Variants in MAPK8 observed in about 807,000 individuals in gnomAD.
MAPK8 encodes mitogen-activated protein kinase 8.
MAPK8 carries 13 observed loss-of-function variants against 52.9 expected under a neutral mutation model. That is an observed-to-expected ratio of 0.25 (90% CI 0.16 to 0.39). The LOEUF (loss-of-function observed/expected upper bound fraction) is 0.39. MAPK8 is among the 10% of genes least tolerant of loss of function. MAPK8 has a pLI of 1.00. For missense variants in MAPK8, 300 were observed against 519.2 expected (o/e 0.58, Z 4.10); for synonymous variants, 191 against 169.8 (o/e 1.12, Z -0.97).
intron 2 of MAPK8, among the ~76,000 whole-genome samples, chr10:48,403,011 T>A (rs1453443955): frequency 2.0e-5 from 3 of 152,138 alleles, no homozygotes; most frequent in African/African-American, 7.2e-5. Flanking sequence ...TACATGTAGC[T>A]TAAAATATGC....
At chr10:48,352,142 T>C (rs1180936843) in intron 1 of MAPK8, among the ~76,000 whole-genome samples, 1 of 152,218 alleles carries the variant, frequency 6.6e-6, no homozygotes, top group African/African-American at 2.4e-5. Flanking sequence ...AATAGAACTT[T>C]ATAATTTTAA....
chr10:48,408,327 A>T (rs1193671308), intron 3 of MAPK8, among the ~76,000 whole-genome samples: 1 of 152,202 alleles, frequency 6.6e-6, no homozygotes. Context: ...TTAGAAGATA[A>T]CTGGGGACAA....
At chr10:48,328,397 G>A (rs1277771222) in intron 1 of MAPK8, among the ~76,000 whole-genome samples, 1 of 146,474 alleles carries the variant, frequency 6.8e-6, no homozygotes, top group Non-Finnish European at 1.5e-5. Context: ...TACTCTTTTT[G>A]ATGATCAGTT....
At chr10:48,409,835 A>C in intron 3 of MAPK8, 44 bp from the exon 4 acceptor site, 1 of 1,296,764 alleles carries the variant, frequency 7.7e-7, no homozygotes, top group Non-Finnish European at 1.1e-6. Context: ...TTAAAATATT[A>C]TGAAGTAATT....
intron 1 of MAPK8, among the ~76,000 whole-genome samples, chr10:48,358,968 T>C (rs1311673005): frequency 2.0e-5 from 3 of 152,218 alleles, no homozygotes; most frequent in African/African-American, 7.2e-5. Flanking sequence ...TCTGCATGTC[T>C]GTCCTTATGC....
At chr10:48,310,751 G>GTA (rs1554806211) in intron 1 of MAPK8, among the ~76,000 whole-genome samples, 1 of 151,796 alleles carries the variant, frequency 6.6e-6, no homozygotes, top group African/African-American at 2.4e-5. Flanking sequence ...GTGTGTGTGT[G>GTA]TGTATGTGTG....
At position 48,437,724 on chromosome 10, in the gene MAPK8, G is replaced by A. The variant is rs1017025343; in HGVS notation, c.*2695G>A. 20 of 152,284 alleles carry A rather than the reference G, an allele frequency of 1.3e-4. No individual in the cohort carries two copies. Among genetic ancestry groups the A allele is most frequent in the South Asian group, 6.2e-4 (3 of 4,832 alleles). The allele number at this position is 152,284 out of a possible 1,614,324, so 9.4% of individuals were successfully genotyped here. A position where few individuals can be genotyped will look rare whatever the true frequency, so the allele number is the denominator to read the frequency against. On this transcript the variant is annotated 3_prime_UTR_variant, in exon 12 of 12. Transcript: ENST00000374189. The stretch of plus-strand genomic sequence containing the variant: ...CCTTTGGCTGCTAATTGTTCCTGAC[G>A]TGCACTCTTCCGAGTTGGTAAAGGC...
intron 2 of MAPK8, among the ~76,000 whole-genome samples, chr10:48,403,469 A>AG (rs1339464170): frequency 1.3e-5 from 2 of 152,142 alleles, no homozygotes; most frequent in African/African-American, 4.8e-5. Context: ...AAAAAAAAAA[A>AG]AAATCAGAGC....
At chr10:48,392,178 G>A (rs1236728330) in intron 1 of MAPK8, among the ~76,000 whole-genome samples, 2 of 152,200 alleles carry the variant, frequency 1.3e-5, no homozygotes, top group South Asian at 2.1e-4. Context: ...TTTCTGTGCA[G>A]CATTCCTTTC....
chr10:48,363,467 G>A (rs1847744197), intron 1 of MAPK8, among the ~76,000 whole-genome samples: 1 of 152,128 alleles, frequency 6.6e-6, no homozygotes, highest in Non-Finnish European at 1.5e-5. Context: ...TACCATAAAG[G>A]AAGAGTGTTT....
intron 1 of MAPK8, among the ~76,000 whole-genome samples, chr10:48,316,145 A>G (rs1359970363): frequency 1.3e-5 from 2 of 152,262 alleles, no homozygotes; most frequent in African/African-American, 4.8e-5. Flanking sequence ...TGATACAGTC[A>G]TGCACCACAT....
chr10:48,367,708 T>C (rs1848179891), intron 1 of MAPK8, among the ~76,000 whole-genome samples: 1 of 152,244 alleles, frequency 6.6e-6, no homozygotes, highest in Non-Finnish European at 1.5e-5. Flanking sequence ...TACAGTTAGA[T>C]ATATAGGTAA....
At position 48,409,886 on chromosome 10, in the gene MAPK8, G is replaced by A; in HGVS notation, c.260G>A (p.Gly87Asp). 6.2e-7 allele frequency: 1 copy of A among 1,604,528 alleles called. No homozygotes were observed. The change falls in exon 4 of 12, where the codon GGC becomes GAC. Residue 87 changes from glycine to aspartate, a missense_variant. Physicochemically the swap from Gly to Asp is moderately conservative, Grantham distance 94 (BLOSUM62 -1). This residue lies in a region of MAPK8 where 147 missense variants were observed against 328.1 expected (regional missense o/e 0.45). Coordinates refer to ENST00000374189, the MANE Select transcript of MAPK8 (RefSeq NM_001323329.2). ...MKCVNHKNII[G>D]LLNVFTPQKS... The stretch of plus-strand genomic sequence containing the variant: ...TCTCGACTTTTATTATAGATAATTG[G>A]CCTTTTGAATGTTTTCACACCACAG...
rs59042608 is a variant in MAPK8 at position 48,413,815 on chromosome 10, TTATATATA to T, written c.450+3685_450+3692del. Reference sequence around the variant, plus strand: ...CAAAATTGAGTATTTGCCAGAATTGTTATATATATATATATATATATATATATATATAT... The same window carrying T: ...CAAAATTGAGTATTTGCCAGAATTGTTATATATATATATATATATATATAT... On this transcript the variant is annotated intron_variant, in intron 5 of 11. Transcript: ENST00000374189. Among the ~76,000 whole-genome samples the T allele has an allele frequency of 7.0e-3, 338 of 48,394 alleles. 6 individuals are homozygous for T. Among genetic ancestry groups the T allele is most frequent in the Middle Eastern group, 0.027 (2 of 74 alleles). 31.7% of individuals were successfully genotyped at this position (48,394 alleles called of 152,430 possible).
intron 1 of MAPK8, among the ~76,000 whole-genome samples, chr10:48,345,140 T>C (rs1235087348): frequency 1.3e-5 from 2 of 152,166 alleles, no homozygotes; most frequent in African/African-American, 4.8e-5. Flanking sequence ...TAGTGGGAGA[T>C]TTTAACCATT....
Position 48,409,875 on chromosome 10 carries a change from A to G in MAPK8, c.253-4A>G. On this transcript the variant is annotated splice_region_variant and splice_polypyrimidine_tract_variant and intron_variant, in intron 3 of 11. Transcript: ENST00000374189. ...ATTTTTCTGTCTCTCGACTTTTATT[A>G]TAGATAATTGGCCTTTTGAATGTTT... 3.1e-6 allele frequency: 5 copies of G among 1,596,884 alleles called. No homozygotes were observed. The highest frequency in any genetic ancestry group is 1.1e-5 in the South Asian group (1 of 89,276).
chr10:48,414,941 G>A (rs758774397), intron 5 of MAPK8, among the ~76,000 whole-genome samples: 4 of 151,838 alleles, frequency 2.6e-5, no homozygotes, highest in Admixed American at 6.6e-5. Context: ...AGTCATCTGC[G>A]TCAAATAACC....
intron 1 of MAPK8, among the ~76,000 whole-genome samples, chr10:48,366,773 G>A (rs1184263527): frequency 1.3e-5 from 2 of 151,818 alleles, no homozygotes; most frequent in African/African-American, 4.8e-5. Flanking sequence ...CTGCCATATA[G>A]GGTTGAAAAA....
Position 48,435,075 on chromosome 10 carries a change from C to T in MAPK8, c.*46C>T. 1 of 1,416,384 alleles carries T rather than the reference C, an allele frequency of 7.1e-7. No individual in the cohort carries two copies. The highest frequency in any genetic ancestry group is 9.5e-7 in the Non-Finnish European group (1 of 1,053,842). The allele number at this position is 1,416,384 out of a possible 1,614,324, so 87.7% of individuals were successfully genotyped here. A position where few individuals can be genotyped will look rare whatever the true frequency, so the allele number is the denominator to read the frequency against. On this transcript the variant is annotated 3_prime_UTR_variant, in exon 12 of 12. Transcript: ENST00000374189. Reference sequence around the variant, plus strand: ...TGGGAGGGATGGGGAGTCGGTTAGTCATTGATAGAACTACTTTGAAAACAA... The same window carrying T: ...TGGGAGGGATGGGGAGTCGGTTAGTTATTGATAGAACTACTTTGAAAACAA...
Sources: gnomAD v4.1 joint callset for allele counts (sites outside exome capture counted in the v4.1 genomes callset) on GRCh38, gnomAD v4.1.1 for gene constraint, gnomAD v4.1.1 regional missense constraint, MANE v1.5 for transcripts, NCBI Gene and HGNC (gene_info 2026-07-23, HGNC 2026-07-21) for gene names.